Variants in FER1L6 observed in about 807,000 individuals in gnomAD.
FER1L6 encodes the protein fer-1-like protein 6.
Under a neutral mutation model 219.2 loss-of-function variants are expected in FER1L6, and 177 were observed. The ratio of observed to expected loss-of-function variants is 0.81; its 90% CI spans 0.71 to 0.91. FER1L6 has a LOEUF of 0.91. FER1L6 is among the 40% of genes least tolerant of loss of function. The probability of loss-of-function intolerance (pLI) is 0.00; values close to 1 mark genes in which losing one functional copy is unlikely to be tolerated. For missense variants in FER1L6, 2,153 were observed against 2,259.9 expected (o/e 0.95, Z 0.96); for synonymous variants, 768 against 824.3 (o/e 0.93, Z 1.17).
intron 37 of FER1L6, 67 bp downstream of exon 37, chr8:124,097,950 A>C: frequency 1.2e-6 from 1 of 856,034 alleles, no homozygotes; most frequent in Non-Finnish European, 2.0e-6. Flanking sequence ...CCCTAACTAA[A>C]TCTATGCCTC....
intron 19 of FER1L6, among the ~76,000 whole-genome samples, chr8:124,035,849 C>T (rs1819182359): frequency 6.6e-6 from 1 of 152,202 alleles, no homozygotes; most frequent in African/African-American, 2.4e-5. Context: ...GACATATCAA[C>T]AGCAGATATT....
intron 22 of FER1L6, among the ~76,000 whole-genome samples, chr8:124,051,674 G>C (rs1820037980): frequency 1.3e-5 from 2 of 152,334 alleles, no homozygotes; most frequent in South Asian, 2.1e-4. Flanking sequence ...TGGCGAGTGA[G>C]AGCCTAGAAT....
intron 1 of FER1L6, among the ~76,000 whole-genome samples, chr8:123,880,109 A>T (rs1279182306): frequency 6.6e-6 from 1 of 152,038 alleles, no homozygotes; most frequent in East Asian, 1.9e-4. Context: ...GCATCCCCTA[A>T]ATTAATTTTC....
At chr8:123,977,349 G>T in intron 9 of FER1L6, 68 bp from the exon 10 acceptor site, 1 of 1,452,160 alleles carries the variant, frequency 6.9e-7, no homozygotes, top group South Asian at 1.3e-5. Context: ...ACTTCCAGCT[G>T]GCTTGAAGAG....
intron 31 of FER1L6, 26 bp downstream of exon 31, chr8:124,071,657 G>C (rs753798098): frequency 1.2e-6 from 2 of 1,602,752 alleles, no homozygotes; most frequent in Admixed American, 3.4e-5. Context: ...TTGCTCTGAG[G>C]GGGTGTATTT....
chr8:124,103,668 A>G (rs1822640377), intron 39 of FER1L6, among the ~76,000 whole-genome samples: 1 of 152,230 alleles, frequency 6.6e-6, no homozygotes, highest in Non-Finnish European at 1.5e-5. Context: ...CATCCTTTTA[A>G]AAGAAGGTGA....
At chr8:123,905,228 C>A (rs1371805178) in intron 1 of FER1L6, among the ~76,000 whole-genome samples, 1 of 152,116 alleles carries the variant, frequency 6.6e-6, no homozygotes, top group Non-Finnish European at 1.5e-5. Flanking sequence ...TATCCTGATA[C>A]TCTCCCTCCC....
chr8:123,978,136 G>A (rs1450244584), intron 10 of FER1L6, among the ~76,000 whole-genome samples: 2 of 152,176 alleles, frequency 1.3e-5, no homozygotes, highest in Admixed American at 6.5e-5. Flanking sequence ...TCCTGGTCCC[G>A]GGTCTTCCAC....
At chr8:123,866,478 C>T (rs574356550) in intron 1 of FER1L6, among the ~76,000 whole-genome samples, 2 of 152,112 alleles carry the variant, frequency 1.3e-5, no homozygotes, top group South Asian at 4.2e-4. Context: ...CCTTGGCATG[C>T]CCATTTTAAT....
intron 39 of FER1L6, among the ~76,000 whole-genome samples, chr8:124,109,821 C>T (rs1008687778): frequency 2.6e-5 from 4 of 152,128 alleles, no homozygotes; most frequent in African/African-American, 2.4e-5. Context: ...GAGGGGAAGA[C>T]AGACAAGAGA....
chr8:123,980,067 C>T (rs1816253395), intron 10 of FER1L6, among the ~76,000 whole-genome samples: 1 of 152,188 alleles, frequency 6.6e-6, no homozygotes, highest in East Asian at 1.9e-4. Context: ...AGTGTATTTC[C>T]TCCATAGTGT....
chr8:124,047,356 T>A (rs986167209), intron 21 of FER1L6, among the ~76,000 whole-genome samples: 2 of 152,180 alleles, frequency 1.3e-5, no homozygotes, highest in African/African-American at 4.8e-5. Context: ...AATACCTTTC[T>A]ATAGGATCAT....
At chr8:123,923,941 G>GAAAAAAAAAAA (rs60137127) in intron 1 of FER1L6, among the ~76,000 whole-genome samples, 1 of 94,780 alleles carries the variant, frequency 1.1e-5, no homozygotes, top group Non-Finnish European at 2.2e-5. Flanking sequence ...CTCCAACTAA[G>GAAAAAAAAAAA]AAAAAAAAAA....
chr8:124,048,415 A>G (rs1244013950), intron 21 of FER1L6, among the ~76,000 whole-genome samples: 1 of 152,220 alleles, frequency 6.6e-6, no homozygotes, highest in Non-Finnish European at 1.5e-5. Flanking sequence ...GCAGTTCTTG[A>G]GACAAATAGC....
At chr8:124,036,263 T>G (rs955033644) in intron 19 of FER1L6, 2 of 152,216 alleles carry the variant, frequency 1.3e-5, no homozygotes, top group African/African-American at 4.8e-5. Context: ...GAACTTAGAC[T>G]GCCAGTGGAA....
chr8:124,041,128 A>AT, intron 20 of FER1L6, among the ~76,000 whole-genome samples: 1 of 152,312 alleles, frequency 6.6e-6, no homozygotes, highest in Non-Finnish European at 1.5e-5. Flanking sequence ...AAAACTCAGT[A>AT]AAGAATTGCC....
intron 39 of FER1L6, among the ~76,000 whole-genome samples, chr8:124,117,170 G>A (rs753556174): frequency 7.9e-5 from 12 of 152,208 alleles, no homozygotes; most frequent in Admixed American, 2.0e-4. Flanking sequence ...TCAAATTCCA[G>A]TTGGTTGGCT....
rs1376383540 is a variant in FER1L6, at chr8:123,852,981, G to GT, written c.-8+797dup. Among the ~76,000 whole-genome samples, 3 of 152,092 alleles carry GT rather than the reference G, an allele frequency of 2.0e-5. No homozygotes were observed. The highest frequency in any genetic ancestry group is 7.2e-5 in the African/African-American group (3 of 41,414). ...TGTATTAGATATAGATGTATTCTATGTGTCTATTTAGCTACCTATCAGATC... is the reference window on the plus strand; with the variant it reads ...TGTATTAGATATAGATGTATTCTATGTTGTCTATTTAGCTACCTATCAGATC... On this transcript the variant is annotated intron_variant, in intron 1 of 40. Coordinates refer to ENST00000522917, the MANE Select transcript of FER1L6 (RefSeq NM_001039112.2). This position sits in a 1 kb window ranked among gnomAD's most constrained non-coding sequence, Gnocchi z 4.9.
At chr8:124,080,103 AGAAT>A (rs1392677514) in intron 32 of FER1L6, among the ~76,000 whole-genome samples, 2 of 152,210 alleles carry the variant, frequency 1.3e-5, no homozygotes, top group Non-Finnish European at 2.9e-5. Flanking sequence ...AATAAATTAA[AGAAT>A]GAATGAATGA....
Sources: gnomAD v4.1 joint callset for allele counts (sites outside exome capture counted in the v4.1 genomes callset) on GRCh38, gnomAD v4.1.1 for gene constraint, Gnocchi (gnomAD v3.1) non-coding constraint, MANE v1.5 for transcripts, NCBI Gene and HGNC (gene_info 2026-07-23, HGNC 2026-07-21) for gene names.